Variants in CAMK2D observed in about 807,000 individuals in gnomAD.
CAMK2D encodes calcium/calmodulin-dependent protein kinase type II subunit delta.
CAMK2D carries 37 observed loss-of-function variants against 84.0 expected under a neutral mutation model. The ratio of observed to expected loss-of-function variants is 0.44; its 90% confidence interval spans 0.34 to 0.58. The LOEUF (loss-of-function observed/expected upper bound fraction) is 0.58. Among genes scored for constraint, CAMK2D ranks in the 20% least tolerant of loss-of-function variants. CAMK2D has a pLI of 0.02. For synonymous variants in CAMK2D, 202 were observed against 212.5 expected (o/e 0.95, Z 0.43); for missense variants, 448 against 652.5 (o/e 0.69, Z 3.41).
chr4:113,639,220 C>G (rs1031355800), intron 3 of CAMK2D, among the ~76,000 whole-genome samples: 4 of 151,052 alleles, frequency 2.6e-5, no homozygotes, highest in Non-Finnish European at 5.9e-5. Flanking sequence ...CCAGCCTGGG[C>G]AATAGAGAAA....
chr4:113,548,854 T>A (rs567665871), intron 5 of CAMK2D: 13 of 558,470 alleles, frequency 2.3e-5, no homozygotes, highest in Non-Finnish European at 3.8e-5. Flanking sequence ...TTTCTTCACT[T>A]TTTTTAGCTT....
intron 2 of CAMK2D, among the ~76,000 whole-genome samples, chr4:113,679,109 C>T (rs2099330042): frequency 6.6e-6 from 1 of 152,048 alleles, no homozygotes; most frequent in African/African-American, 2.4e-5. Context: ...ATTCCACTCA[C>T]CTAATGCTGC....
intron 4 of CAMK2D, among the ~76,000 whole-genome samples, chr4:113,596,498 T>C (rs1238369694): frequency 1.3e-5 from 2 of 152,184 alleles, no homozygotes; most frequent in Non-Finnish European, 2.9e-5. Context: ...CCTTACAAAA[T>C]GTGTTAATAA....
At chr4:113,721,326 A>T (rs1308856724) in intron 2 of CAMK2D, among the ~76,000 whole-genome samples, 1 of 152,172 alleles carries the variant, frequency 6.6e-6, no homozygotes, top group Non-Finnish European at 1.5e-5. Context: ...TCATAAAAAC[A>T]TCAGATTTAC....
intron 16 of CAMK2D, among the ~76,000 whole-genome samples, chr4:113,499,635 T>C (rs2098002521): frequency 6.6e-6 from 1 of 152,184 alleles, no homozygotes; most frequent in Non-Finnish European, 1.5e-5. Context: ...TATGGATCAT[T>C]GCTCCCAATT....
chr4:113,548,686 G>A (rs760539878), intron 5 of CAMK2D: 1 of 1,583,834 alleles, frequency 6.3e-7, no homozygotes, highest in Non-Finnish European at 8.7e-7. Context: ...ATGCCATTTA[G>A]GTGACAATGA....
At chr4:113,540,392 A>G (rs961277344) in intron 6 of CAMK2D, among the ~76,000 whole-genome samples, 2 of 152,182 alleles carry the variant, frequency 1.3e-5, no homozygotes, top group African/African-American at 4.8e-5. Flanking sequence ...CTATTTTCTA[A>G]CACGAATCAG....
intron 2 of CAMK2D, among the ~76,000 whole-genome samples, chr4:113,731,101 G>A (rs922155503): frequency 3.9e-5 from 6 of 152,126 alleles, no homozygotes; most frequent in African/African-American, 9.7e-5. Flanking sequence ...AAGTGCTAGC[G>A]AAAAGCCAAA....
At chr4:113,455,909 C>A in intron 19 of CAMK2D, 88 bp from the exon 20 acceptor site, 1 of 773,900 alleles carries the variant, frequency 1.3e-6, no homozygotes. Flanking sequence ...CAGGGAACTG[C>A]AAAAAAACCT....
intron 2 of CAMK2D, among the ~76,000 whole-genome samples, chr4:113,717,285 C>T (rs2099516479): frequency 6.6e-6 from 1 of 151,832 alleles, no homozygotes; most frequent in African/African-American, 2.4e-5. Context: ...TATCAATAGC[C>T]AAAGAAAATG....
rs575440607 is a variant in CAMK2D, at chr4:113,481,478, T to C, written c.1136-15874A>G. Among the ~76,000 whole-genome samples, 12 of 152,010 alleles carry C rather than the reference T, an allele frequency of 7.9e-5. No homozygotes were observed. In the South Asian group the frequency reaches 2.5e-3, roughly 32 times the overall value. On this transcript the variant is annotated intron_variant, in intron 16 of 20. Transcript: ENST00000511664. ...TGCTGGATTTGGAGGGATGTAAATT[T>C]TCATTTTATTTTATTTTTTGAGACA...
intron 2 of CAMK2D, among the ~76,000 whole-genome samples, chr4:113,756,982 G>A (rs72903612): frequency 0.016 from 2,396 of 152,126 alleles, 70 homozygotes; most frequent in African/African-American, 0.055. Context: ...AATAATAAGA[G>A]GTAAAATTGA....
At chr4:113,574,749 G>C (rs1211707364) in intron 4 of CAMK2D, among the ~76,000 whole-genome samples, 1 of 152,144 alleles carries the variant, frequency 6.6e-6, no homozygotes, top group Non-Finnish European at 1.5e-5. Context: ...ATTTTTCTCT[G>C]TTGACGTCAG....
chr4:113,568,701 T>A (rs553499168), intron 4 of CAMK2D, among the ~76,000 whole-genome samples: 1 of 152,226 alleles, frequency 6.6e-6, no homozygotes, highest in African/African-American at 2.4e-5. Context: ...GCAACCTACA[T>A]GAGTTCCAAC....
intron 8 of CAMK2D, among the ~76,000 whole-genome samples, chr4:113,520,637 C>A (rs1312003639): frequency 6.6e-6 from 1 of 151,530 alleles, no homozygotes; most frequent in Non-Finnish European, 1.5e-5. Flanking sequence ...TTTGCGAGAC[C>A]ACTTGAGGGG....
chr4:113,474,369 T>C (rs1013933051), intron 16 of CAMK2D, among the ~76,000 whole-genome samples: 21 of 152,150 alleles, frequency 1.4e-4, no homozygotes, highest in African/African-American at 4.8e-4. Context: ...GGGTATCTCT[T>C]CTCTCCACTG....
At chr4:113,589,094 C>G (rs1019873131) in intron 4 of CAMK2D, among the ~76,000 whole-genome samples, 1 of 152,038 alleles carries the variant, frequency 6.6e-6, no homozygotes, top group Admixed American at 6.6e-5. Flanking sequence ...CTAGCATGTC[C>G]CAGGCTGTGA....
intron 2 of CAMK2D, among the ~76,000 whole-genome samples, chr4:113,672,539 A>G (rs2099293645): frequency 1.3e-5 from 2 of 152,164 alleles, no homozygotes. Flanking sequence ...TTGCAAACTA[A>G]TAATTAAACT....
intron 5 of CAMK2D, 148 bp downstream of exon 5, chr4:113,551,883 C>T: frequency 2.3e-6 from 1 of 431,994 alleles, no homozygotes; most frequent in African/African-American, 2.0e-5. Flanking sequence ...AAAATATAGA[C>T]CAGATTCATG....
Sources: allele counts gnomAD v4.1 joint callset (sites outside exome capture counted in the v4.1 genomes callset), GRCh38; gene constraint gnomAD v4.1.1; transcripts MANE v1.5; gene names NCBI Gene and HGNC (gene_info 2026-07-23, HGNC 2026-07-21).